Variants in PPT1 observed in about 807,000 individuals in gnomAD.
PPT1 encodes ceroid-palmitoyl-palmitoyl-protein thioesterase 1.
A neutral mutation model predicts 44.0 loss-of-function variants in PPT1; 24 were observed. The observed-to-expected ratio is 0.54, with a 90% confidence interval of 0.39 to 0.77. The LOEUF is 0.77. PPT1 is among the 30% of genes least tolerant of loss of function. PPT1 has a pLI of 0.00. For missense variants in PPT1, 341 were observed against 378.8 expected, an observed-to-expected ratio of 0.90 and a Z score of 0.83; for synonymous variants, 148 against 140.2, an observed-to-expected ratio of 1.06 and a Z score of -0.39.
Position 40,073,886 on chromosome 1 carries a change from A to G in PPT1, c.*175T>C, listed in dbSNP as rs1469717716. The stretch of plus-strand genomic sequence containing the variant: ...GCATTCAACACCATATGGTAACAGA[A>G]GATGGCAAAGGATAAGATTCAGATC... On this transcript the variant is annotated 3_prime_UTR_variant, in exon 9 of 9. Coordinates refer to ENST00000642050, the MANE Select transcript of PPT1 (RefSeq NM_000310.4). The G allele has an allele frequency of 6.9e-6, 6 of 872,948 alleles. No homozygotes were observed. Among genetic ancestry groups the G allele is most frequent in the Admixed American group, 4.3e-5 (2 of 46,812 alleles). The allele number at this position is 872,948 out of a possible 1,614,324, so 54.1% of individuals were successfully genotyped here.
downstream of PPT1, chr1:40,072,231 C>T (rs186326413): frequency 1.0e-5 from 4 of 382,032 alleles, no homozygotes; most frequent in Non-Finnish European, 1.8e-5. Context: ...CAGCACCTTC[C>T]TATAGAGATG....
intron 6 of PPT1, 132 bp from the exon 7 acceptor site, chr1:40,078,790 C>T: frequency 1.3e-6 from 1 of 775,230 alleles, no homozygotes; most frequent in Non-Finnish European, 2.3e-6. Flanking sequence ...GGCTGTTTTC[C>T]AGCTTCCTGA....
intron 1 of PPT1, among the ~76,000 whole-genome samples, chr1:40,096,509 G>A (rs1364966772): frequency 6.6e-6 from 1 of 152,118 alleles, no homozygotes; most frequent in African/African-American, 2.4e-5. Context: ...GACCTCATGT[G>A]ATGGGTTGCA....
chr1:40,092,059 C>T lies in PPT1; in HGVS notation c.348G>A (p.Gln116=), dbSNP rs1649593557. 6.2e-7 allele frequency: 1 copy of T among 1,613,872 alleles called. No homozygotes were observed. Among genetic ancestry groups the T allele is most frequent in the South Asian group, 1.1e-5 (1 of 91,082 alleles). Residue 116 remains glutamine (Q), a synonymous_variant, in exon 3 of 9, where the codon CAG becomes CAA. Coordinates refer to ENST00000642050, the MANE Select transcript of PPT1 (RefSeq NM_000310.4). ...QQGYNAMGFS[Q]GGQFLRAVAQ... Reference sequence around the variant, plus strand: ...AAGGAACGTACAGAAATTGGCCTCCCTGGGAGAATCCCATAGCATTGTAGC... The same window carrying T: ...AAGGAACGTACAGAAATTGGCCTCCTTGGGAGAATCCCATAGCATTGTAGC...
Position 40,097,124 on chromosome 1 carries a change from GC to G in PPT1, c.114del (p.Trp38CysfsTer12), listed in dbSNP as rs386833625. ...DPPAPLPLVI[W>X]HGMGDSCCNP... is the part of the protein sequence containing the mutation. ...TTTCTCACTCACTCACCCATCCCAT[GC>G]CAGATCACCAACGGCAGCGGCGCCG... is the stretch of plus-strand genomic sequence containing the variant. On this transcript the variant is annotated frameshift_variant, in exon 1 of 9. Transcript: ENST00000642050. LOFTEE classifies it high-confidence loss of function. 7.4e-6 allele frequency: 12 copies of G among 1,614,080 alleles called. No homozygotes were observed. The highest frequency in any genetic ancestry group is 1.0e-5 in the Non-Finnish European group (12 of 1,179,926).
At chr1:40,089,711 G>A (rs868048450) in intron 4 of PPT1, 199 bp from the exon 5 acceptor site, 44 of 655,632 alleles carry the variant, frequency 6.7e-5, no homozygotes, top group Middle Eastern at 4.0e-4. Flanking sequence ...CCTGCCTAAG[G>A]ATCTTTTTAC....
At chr1:40,091,947 T>C (rs969294574) in intron 3 of PPT1, 98 bp downstream of exon 3, 22 of 1,457,230 alleles carry the variant, frequency 1.5e-5, no homozygotes, top group East Asian at 2.3e-5. Context: ...CCTTCCAAGA[T>C]AGGTGACAAT....
chr1:40,084,131 A>C (rs750838308), intron 5 of PPT1, among the ~76,000 whole-genome samples: 1 of 152,214 alleles, frequency 6.6e-6, no homozygotes, highest in Non-Finnish European at 1.5e-5. Flanking sequence ...AAAGAAGTTG[A>C]TTCCAACCCT....
chr1:40,091,905 G>A, intron 3 of PPT1, 140 bp downstream of exon 3: 1 of 1,040,576 alleles, frequency 9.6e-7, no homozygotes, highest in Non-Finnish European at 1.4e-6. Context: ...GTTCCATAAA[G>A]CTTCTTACAC....
intron 1 of PPT1, chr1:40,094,026 C>CA (rs1557715175): frequency 8.6e-6 from 6 of 694,108 alleles, no homozygotes; most frequent in South Asian, 3.1e-5. Context: ...GACCCTGTCT[C>CA]AAAAAAACCA....
At chr1:40,095,876 C>G (rs190779693) in intron 1 of PPT1, among the ~76,000 whole-genome samples, 1 of 152,332 alleles carries the variant, frequency 6.6e-6, no homozygotes, top group African/African-American at 2.4e-5. Flanking sequence ...TCATGTCACT[C>G]ATCTGCTCAA....
chr1:40,083,766 C>T (rs1370336161), intron 5 of PPT1, among the ~76,000 whole-genome samples: 1 of 152,054 alleles, frequency 6.6e-6, no homozygotes, highest in South Asian at 2.1e-4. Flanking sequence ...ATTCTAGATG[C>T]CATTAAGAAC....
At chr1:40,083,718 G>A (rs971712121) in intron 5 of PPT1, among the ~76,000 whole-genome samples, 2 of 152,008 alleles carry the variant, frequency 1.3e-5, no homozygotes, top group African/African-American at 4.8e-5. Flanking sequence ...GATGCATCTG[G>A]GCAAAGTAAA....
chr1:40,077,953 G>A (rs1376094070), intron 7 of PPT1, among the ~76,000 whole-genome samples: 3 of 152,142 alleles, frequency 2.0e-5, no homozygotes, highest in African/African-American at 7.2e-5. Context: ...ATATATTTTG[G>A]GCTAGTGATT....
At chr1:40,084,175 AG>A (rs1238936756) in intron 5 of PPT1, among the ~76,000 whole-genome samples, 3 of 152,238 alleles carry the variant, frequency 2.0e-5, no homozygotes, top group Non-Finnish European at 4.4e-5. Flanking sequence ...ACTTCAATGA[AG>A]GAAGTAACTG....
Position 40,091,505 on chromosome 1 carries a change from G to A in PPT1, c.363-106C>T, listed in dbSNP as rs76584099. ...TCATCCTCTGTGACTCCCCAAACCC[G>A]CAGAGTTTCAGGATTTTCCTGATAT... On this transcript the variant is annotated intron_variant, in intron 3 of 8. Coordinates refer to ENST00000642050, the MANE Select transcript of PPT1 (RefSeq NM_000310.4). The A allele has an allele frequency of 6.5e-4, 663 of 1,018,420 alleles. 3 individuals carry two copies. The African/African-American group carries it at 9.1e-3, about 14-fold the overall frequency. 63.1% of individuals were successfully genotyped at this position (1,018,420 alleles called of 1,614,324 possible).
intron 5 of PPT1, among the ~76,000 whole-genome samples, chr1:40,083,988 T>C (rs1326884696): frequency 2.0e-5 from 3 of 152,118 alleles, no homozygotes. Context: ...GTTGAGGCTA[T>C]GTTGCAGTAA....
At chr1:40,071,645 G>C (rs572125456), downstream of PPT1, 1 of 686,162 alleles carries the variant, frequency 1.5e-6, no homozygotes, top group East Asian at 2.7e-5. Context: ...CTGCTTCTCT[G>C]CTCTGAGAAG....
intron 5 of PPT1, among the ~76,000 whole-genome samples, chr1:40,087,352 C>G (rs919569288): frequency 6.6e-6 from 1 of 151,950 alleles, no homozygotes; most frequent in Non-Finnish European, 1.5e-5. Context: ...AAGCAATTCT[C>G]TAGCCTCAGC....
Sources: allele counts gnomAD v4.1 joint callset (sites outside exome capture counted in the v4.1 genomes callset), GRCh38; gene constraint gnomAD v4.1.1; transcripts MANE v1.5; gene names NCBI Gene and HGNC (gene_info 2026-07-23, HGNC 2026-07-21).